EXOC4: variants seen among roughly 807,000 people sequenced by gnomAD.
The protein encoded by EXOC4 is exocyst complex component 4.
Under a neutral mutation model 107.2 loss-of-function variants are expected in EXOC4, and 71 were observed. The observed-to-expected ratio is 0.66, with a 90% confidence interval of 0.55 to 0.81. EXOC4 has a LOEUF of 0.81. Ranked by LOEUF, EXOC4 falls within the 30% of genes least tolerant of loss-of-function variation. EXOC4 has a pLI of 0.00. For synonymous variants in EXOC4, 456 were observed against 441.2 expected (o/e 1.03, Z -0.42); for missense variants, 1,108 against 1,189.6 (o/e 0.93, Z 1.01).
chr7:133,754,121 G>C (rs988336355), intron 10 of EXOC4, among the ~76,000 whole-genome samples: 1 of 152,130 alleles, frequency 6.6e-6, no homozygotes, highest in African/African-American at 2.4e-5. Flanking sequence ...CTTGAAATCA[G>C]ATTGTTTCAG....
At chr7:134,035,104 G>C (rs987795933) in intron 17 of EXOC4, among the ~76,000 whole-genome samples, 6 of 146,438 alleles carry the variant, frequency 4.1e-5, no homozygotes, top group African/African-American at 1.5e-4. Flanking sequence ...GGAGTGCAGT[G>C]GCATGATCTG....
intron 5 of EXOC4, among the ~76,000 whole-genome samples, chr7:133,331,504 G>T (rs1355245651): frequency 7.9e-6 from 1 of 126,912 alleles, no homozygotes; most frequent in Non-Finnish European, 1.6e-5. Flanking sequence ...TCTCGCTGTC[G>T]CCCAGGCTGG....
intron 3 of EXOC4, among the ~76,000 whole-genome samples, chr7:133,294,464 A>G (rs1275326321): frequency 6.6e-6 from 1 of 152,168 alleles, no homozygotes; most frequent in African/African-American, 2.4e-5. Context: ...CTTGTGACTA[A>G]AATAATTTCA....
chr7:133,286,826 G>T (rs766186597), intron 2 of EXOC4, among the ~76,000 whole-genome samples: 14 of 152,142 alleles, frequency 9.2e-5, no homozygotes, highest in Admixed American at 4.6e-4. Flanking sequence ...CCTGTTTTCT[G>T]TGCAGTGTCT....
intron 10 of EXOC4, chr7:133,768,214 G>A (rs1197958586): frequency 1.3e-5 from 2 of 151,938 alleles, no homozygotes; most frequent in African/African-American, 4.8e-5. Flanking sequence ...GACGGAACTA[G>A]GAAGCTGGAA....
At chr7:134,016,998 G>T (rs759364673) in intron 17 of EXOC4, among the ~76,000 whole-genome samples, 1 of 152,162 alleles carries the variant, frequency 6.6e-6, no homozygotes, top group Non-Finnish European at 1.5e-5. Context: ...TTGAAAATGT[G>T]AAATGCCCCA....
chr7:133,825,214 G>A (rs951217765), intron 11 of EXOC4, among the ~76,000 whole-genome samples: 2 of 151,634 alleles, frequency 1.3e-5, no homozygotes, highest in African/African-American at 4.8e-5. Flanking sequence ...AAGAAAAAAA[G>A]CCAGGTTTCA....
intron 9 of EXOC4, among the ~76,000 whole-genome samples, chr7:133,544,196 A>G (rs1448229040): frequency 6.6e-6 from 1 of 151,962 alleles, no homozygotes; most frequent in Non-Finnish European, 1.5e-5. Flanking sequence ...TATATGTTCA[A>G]AGTAAATTTT....
chr7:133,460,697 A>G (rs1243631358), intron 7 of EXOC4, among the ~76,000 whole-genome samples: 1 of 152,068 alleles, frequency 6.6e-6, no homozygotes, highest in Non-Finnish European at 1.5e-5. Context: ...ACACCCACCC[A>G]CACACACACC....
Position 133,339,958 on chromosome 7 carries a change from C to T in EXOC4, c.764-16372C>T, listed in dbSNP as rs147830881. Reference sequence around the variant, plus strand: ...GTGATCATCATATCATTGGTGAACACGGACAGTTTCACTTCCTCTTTACTA... The same window carrying T: ...GTGATCATCATATCATTGGTGAACATGGACAGTTTCACTTCCTCTTTACTA... On this transcript the variant is annotated intron_variant, in intron 5 of 17. Coordinates refer to ENST00000253861, the MANE Select transcript of EXOC4 (RefSeq NM_021807.4). 7.2e-4 allele frequency among the ~76,000 whole-genome samples: 110 copies of T among 152,220 alleles called. 1 individual carries two copies. Among genetic ancestry groups the T allele is most frequent in the African/African-American group, 2.1e-3 (86 of 41,554 alleles).
At chr7:133,730,808 G>T (rs1436586193) in intron 10 of EXOC4, among the ~76,000 whole-genome samples, 3 of 152,214 alleles carry the variant, frequency 2.0e-5, no homozygotes, top group South Asian at 4.1e-4. Flanking sequence ...TTTCAATTTT[G>T]TATGGATTAA....
chr7:133,515,220 G>A (rs546898013), intron 9 of EXOC4, among the ~76,000 whole-genome samples: 60 of 151,994 alleles, frequency 3.9e-4, no homozygotes, highest in Non-Finnish European at 7.8e-4. Context: ...TAATGCTGAT[G>A]CACAGTGCAG....
intron 9 of EXOC4, among the ~76,000 whole-genome samples, chr7:133,574,184 AGAGT>A (rs1164004441): frequency 6.6e-6 from 1 of 152,150 alleles, no homozygotes; most frequent in Admixed American, 6.5e-5. Flanking sequence ...TCTTGAAAAG[AGAGT>A]GTGTGTGTAT....
chr7:134,001,647 TG>T (rs1794533901), intron 15 of EXOC4, among the ~76,000 whole-genome samples: 1 of 152,152 alleles, frequency 6.6e-6, no homozygotes, highest in Non-Finnish European at 1.5e-5. Flanking sequence ...TTAATCCACT[TG>T]TATACTGTGC....
chr7:133,262,794 A>G (rs1319886019), intron 1 of EXOC4, among the ~76,000 whole-genome samples: 1 of 152,168 alleles, frequency 6.6e-6, no homozygotes, highest in Non-Finnish European at 1.5e-5. Flanking sequence ...AATGTTCTCA[A>G]CATATAGAAA....
intron 13 of EXOC4, among the ~76,000 whole-genome samples, chr7:133,928,743 A>T (rs1323725816): frequency 6.6e-6 from 1 of 152,034 alleles, no homozygotes; most frequent in East Asian, 1.9e-4. Flanking sequence ...CCAGAGAACT[A>T]AAAAGCATTA....
At chr7:133,576,940 GTGTA>G (rs1488099414) in intron 9 of EXOC4, 1 of 1,107,030 alleles carries the variant, frequency 9.0e-7, no homozygotes, top group East Asian at 5.8e-5. Context: ...CACTGCATGT[GTGTA>G]TGTGGGTAGG....
chr7:133,788,793 A>G (rs1016877373), intron 10 of EXOC4, among the ~76,000 whole-genome samples: 1 of 152,034 alleles, frequency 6.6e-6, no homozygotes, highest in Non-Finnish European at 1.5e-5. Context: ...ACACCCAGAA[A>G]CACTTCTCTT....
rs535420931 is a variant in EXOC4, at chr7:133,825,272, G to A, written c.1734+7728G>A. Among the ~76,000 whole-genome samples the A allele has an allele frequency of 1.1e-4, 16 of 152,148 alleles. No individual in the cohort carries two copies. In the South Asian group the frequency reaches 3.3e-3, roughly 32 times the overall value. On this transcript the variant is annotated intron_variant, in intron 11 of 17. Coordinates refer to ENST00000253861, the MANE Select transcript of EXOC4 (RefSeq NM_021807.4). ...CTACTCGGGAGGCTGAGGCAGGAGG[G>A]TTGGATCACTTAAGCTCAGGAGTTT...
Sources: allele counts gnomAD v4.1 joint callset (sites outside exome capture counted in the v4.1 genomes callset), GRCh38; gene constraint gnomAD v4.1.1; transcripts MANE v1.5; gene names NCBI Gene and HGNC (gene_info 2026-07-23, HGNC 2026-07-21).